The following NRXN3 variants were observed in gnomAD, a reference collection of about 807,000 sequenced individuals.
The protein encoded by NRXN3 is neurexin III.
NRXN3 carries 32 observed loss-of-function variants against 137.6 expected under a neutral mutation model. The ratio of observed to expected loss-of-function variants is 0.23; its 90% CI spans 0.18 to 0.31. The LOEUF (loss-of-function observed/expected upper bound fraction) is 0.31, where lower values mean the gene tolerates loss of function less well. NRXN3 is among the 10% of genes least tolerant of loss of function. The probability of loss-of-function intolerance (pLI) is 1.00; values close to 1 mark genes in which losing one functional copy is unlikely to be tolerated. For missense variants in NRXN3, 1,574 were observed against 2,062.5 expected (o/e 0.76, Z 4.59); for synonymous variants, 798 against 784.5 (o/e 1.02, Z -0.29).
intron 16 of NRXN3, among the ~76,000 whole-genome samples, chr14:79,568,774 C>T (rs1175642837): frequency 6.6e-6 from 1 of 152,142 alleles, no homozygotes; most frequent in South Asian, 2.1e-4. Flanking sequence ...CTCTATATTC[C>T]ATCAGAGGAA....
intron 15 of NRXN3, among the ~76,000 whole-genome samples, chr14:79,220,988 G>A (rs573221790): frequency 6.6e-6 from 1 of 151,590 alleles, no homozygotes; most frequent in East Asian, 2.0e-4. Context: ...CCACTTACAA[G>A]TGAGAACATG....
chr14:78,852,537 T>C (rs548492468), intron 10 of NRXN3, among the ~76,000 whole-genome samples: 1 of 152,286 alleles, frequency 6.6e-6, no homozygotes, highest in African/African-American at 2.4e-5. Context: ...TACTTTCTTA[T>C]TCTGTTGCCT....
chr14:78,210,336 A>T (rs8005337), intron 1 of NRXN3, among the ~76,000 whole-genome samples: 4 of 151,820 alleles, frequency 2.6e-5, no homozygotes, highest in African/African-American at 9.7e-5. Context: ...CACTAATCCC[A>T]TTCATGAAGG....
At chr14:78,551,901 A>G (rs1247364991) in intron 4 of NRXN3, among the ~76,000 whole-genome samples, 1 of 152,008 alleles carries the variant, frequency 6.6e-6, no homozygotes, top group Non-Finnish European at 1.5e-5. Context: ...TCAGAAAAAC[A>G]TTTTCTTCTC....
rs1294254644 is a variant in NRXN3 at position 79,317,096 on chromosome 14, G to A, written c.3263-150125G>A. The stretch of plus-strand genomic sequence containing the variant: ...AAGTACAAAAAATTAGCTGGGCGTG[G>A]TGGTGGGTGCCTGTAATCCCAGCTA... On this transcript the variant is annotated intron_variant, in intron 15 of 20. Transcript: ENST00000335750. Among the ~76,000 whole-genome samples, 6 of 152,156 alleles carry A rather than the reference G, an allele frequency of 3.9e-5. No homozygotes were observed. The East Asian group carries it at 5.8e-4, about 15-fold the overall frequency.
intron 4 of NRXN3, among the ~76,000 whole-genome samples, chr14:78,346,415 GA>G (rs1308778913): frequency 6.6e-6 from 1 of 152,150 alleles, no homozygotes; most frequent in Non-Finnish European, 1.5e-5. Flanking sequence ...TTCCACTGGG[GA>G]AAAATTGGAG....
chr14:78,570,556 T>A (rs1292733777), intron 4 of NRXN3, among the ~76,000 whole-genome samples: 1 of 152,156 alleles, frequency 6.6e-6, no homozygotes, highest in Non-Finnish European at 1.5e-5. Context: ...GTCCTAAGAA[T>A]AAGCCCATTA....
intron 1 of NRXN3, among the ~76,000 whole-genome samples, chr14:78,209,873 AT>A (rs1049561476): frequency 5.3e-5 from 8 of 151,768 alleles, no homozygotes; most frequent in African/African-American, 1.9e-4. Context: ...CTACTTTATT[AT>A]TTTTTCCTGA....
intron 10 of NRXN3, among the ~76,000 whole-genome samples, chr14:78,954,079 T>C (rs2099392034): frequency 6.6e-6 from 1 of 152,212 alleles, no homozygotes; most frequent in Admixed American, 6.5e-5. Flanking sequence ...AACAGTTTTG[T>C]ATATTTCAAC....
intron 19 of NRXN3, among the ~76,000 whole-genome samples, chr14:79,781,106 A>G (rs2099112479): frequency 6.6e-6 from 1 of 152,090 alleles, no homozygotes; most frequent in Non-Finnish European, 1.5e-5. Context: ...TGTTTTATAA[A>G]TTAACCCCAT....
chr14:78,660,375 T>G (rs1230673451), intron 6 of NRXN3, among the ~76,000 whole-genome samples: 2 of 151,896 alleles, frequency 1.3e-5, no homozygotes, highest in African/African-American at 4.8e-5. Flanking sequence ...CCTGCTCCAC[T>G]CCCAGCTCCG....
At chr14:79,489,995 C>T (rs1252271562) in intron 16 of NRXN3, among the ~76,000 whole-genome samples, 6 of 145,226 alleles carry the variant, frequency 4.1e-5, no homozygotes, top group South Asian at 4.4e-4. Context: ...GCCGAGATCA[C>T]GCCACTGCAC....
chr14:79,639,553 C>A (rs1337833933), intron 16 of NRXN3, among the ~76,000 whole-genome samples: 1 of 151,812 alleles, frequency 6.6e-6, no homozygotes, highest in Non-Finnish European at 1.5e-5. Flanking sequence ...TTTTCACCAT[C>A]AATGAATTCA....
At chr14:78,552,563 G>A (rs1033619972) in intron 4 of NRXN3, among the ~76,000 whole-genome samples, 1 of 152,198 alleles carries the variant, frequency 6.6e-6, no homozygotes, top group Non-Finnish European at 1.5e-5. Flanking sequence ...CTACTCAGGA[G>A]GCTGAAGCAG....
intron 16 of NRXN3, among the ~76,000 whole-genome samples, chr14:79,474,631 T>G (rs2096543575): frequency 6.6e-6 from 1 of 152,094 alleles, no homozygotes. Flanking sequence ...TAGCGTTGTG[T>G]CTCTATCCCT....
chr14:78,895,652 C>T lies in NRXN3; in HGVS notation c.2276-61590C>T, dbSNP rs567976208. On this transcript the variant is annotated intron_variant, in intron 10 of 20. Transcript: ENST00000335750. ...ACTGTTTGGCACAAGAAGCCTAGAT[C>T]TCAGCCTATCTCAGTTTTCAACATG... 2.0e-5 allele frequency among the ~76,000 whole-genome samples: 3 copies of T among 152,050 alleles called. No homozygotes were observed. The East Asian group carries it at 5.8e-4, about 30-fold the overall frequency.
chr14:78,865,493 G>T (rs1041286450), intron 10 of NRXN3, among the ~76,000 whole-genome samples: 1 of 152,160 alleles, frequency 6.6e-6, no homozygotes, highest in African/African-American at 2.4e-5. Flanking sequence ...AAATGAACCA[G>T]TGACTTTTAA....
chr14:79,557,540 G>A (rs973549038), intron 16 of NRXN3, among the ~76,000 whole-genome samples: 5 of 152,040 alleles, frequency 3.3e-5, no homozygotes, highest in South Asian at 4.1e-4. Context: ...AAATTTTTTC[G>A]TTTCCCAGTG....
chr14:79,745,815 A>C (rs2098978043), intron 19 of NRXN3, among the ~76,000 whole-genome samples: 1 of 151,908 alleles, frequency 6.6e-6, no homozygotes. Context: ...TTGCCCAGCA[A>C]TCTTTGGCCT....
Sources: allele counts gnomAD v4.1 joint callset (sites outside exome capture counted in the v4.1 genomes callset), GRCh38; gene constraint gnomAD v4.1.1; transcripts MANE v1.5; gene names NCBI Gene and HGNC (gene_info 2026-07-23, HGNC 2026-07-21).